The following MEIKIN variants were observed in gnomAD, a reference collection of about 807,000 sequenced individuals.
MEIKIN encodes the protein meiotic kinetochore factor, also known as meiosis-specific kinetochore protein.
At chr5:131,857,045 G>A (rs1750208140) in intron 9 of MEIKIN, among the ~76,000 whole-genome samples, 1 of 151,568 alleles carries the variant, frequency 6.6e-6, no homozygotes, top group Non-Finnish European at 1.5e-5. Context: ...CCATGTTGGT[G>A]TGCTGCAGCC....
intron 8 of MEIKIN, among the ~76,000 whole-genome samples, chr5:131,885,677 C>G (rs567071650): frequency 1.3e-5 from 2 of 152,202 alleles, no homozygotes; most frequent in South Asian, 4.1e-4. Context: ...GCCCAGAGTG[C>G]AAAACTTACA....
chr5:131,882,080 T>TC (rs1453788564), intron 8 of MEIKIN, among the ~76,000 whole-genome samples: 1 of 152,186 alleles, frequency 6.6e-6, no homozygotes, highest in Non-Finnish European at 1.5e-5. Context: ...TCTATTTTTT[T>TC]CTCTTACCTA....
At chr5:131,848,197 T>C (rs193187065) in intron 11 of MEIKIN, among the ~76,000 whole-genome samples, 203 of 151,838 alleles carry the variant, frequency 1.3e-3, no homozygotes, top group Admixed American at 3.2e-3. Flanking sequence ...AGAAACAAAA[T>C]AGAGAATAGA....
chr5:131,846,424 A>G (rs1750024292), intron 11 of MEIKIN, among the ~76,000 whole-genome samples: 2 of 152,244 alleles, frequency 1.3e-5, no homozygotes, highest in Admixed American at 6.5e-5. Context: ...CTTGTTTTCT[A>G]TATGATTTAA....
At chr5:131,929,102 A>G (rs1751639612) in intron 5 of MEIKIN, among the ~76,000 whole-genome samples, 1 of 152,284 alleles carries the variant, frequency 6.6e-6, no homozygotes, top group South Asian at 2.1e-4. Context: ...TTTTTCTTTC[A>G]GCACTTTGAA....
intron 11 of MEIKIN, among the ~76,000 whole-genome samples, chr5:131,823,091 C>CT (rs1265867341): frequency 6.6e-6 from 1 of 151,940 alleles, no homozygotes; most frequent in East Asian, 1.9e-4. Context: ...TACGTTGTTT[C>CT]TTTTTTTCTT....
chr5:131,850,736 G>C (rs1750101350), intron 11 of MEIKIN, among the ~76,000 whole-genome samples: 1 of 151,892 alleles, frequency 6.6e-6, no homozygotes, highest in South Asian at 2.1e-4. Flanking sequence ...AGAAAATACA[G>C]GGCAATAGCC....
At chr5:131,926,280 T>C (rs556750597) in intron 5 of MEIKIN, among the ~76,000 whole-genome samples, 1 of 152,344 alleles carries the variant, frequency 6.6e-6, no homozygotes, top group African/African-American at 2.4e-5. Context: ...TTTTGCTGCA[T>C]CTACTGAAAT....
intron 8 of MEIKIN, among the ~76,000 whole-genome samples, chr5:131,904,802 T>C (rs1443332784): frequency 6.6e-6 from 1 of 152,194 alleles, no homozygotes; most frequent in Non-Finnish European, 1.5e-5. Flanking sequence ...CATGGAATAC[T>C]ATGCAGCCAT....
Position 131,831,549 on chromosome 5 carries a change from G to A in MEIKIN, c.976-12686C>T, listed in dbSNP as rs753447678. Among the ~76,000 whole-genome samples the A allele has an allele frequency of 7.4e-4, 112 of 152,030 alleles. 3 individuals carry two copies. The highest frequency in any genetic ancestry group is 7.2e-3 in the Admixed American group (110 of 15,188). On this transcript the variant is annotated intron_variant, in intron 11 of 12. Coordinates refer to ENST00000442687, the MANE Select transcript of MEIKIN (RefSeq NM_001303622.2). ...ACAGCCGGGGTGACAGAGCAACAAC[G>A]TGTCTCAATCAATCAATCAATCAAT...
intron 8 of MEIKIN, among the ~76,000 whole-genome samples, chr5:131,902,187 C>T (rs1293363105): frequency 6.6e-6 from 1 of 152,162 alleles, no homozygotes; most frequent in Non-Finnish European, 1.5e-5. Context: ...AATCCCAGAA[C>T]TTTGGGAGGC....
intron 9 of MEIKIN, among the ~76,000 whole-genome samples, chr5:131,863,795 G>T (rs973420857): frequency 1.3e-5 from 2 of 151,854 alleles, no homozygotes; most frequent in Admixed American, 6.6e-5. Context: ...TCCCCATGCC[G>T]TTCTTGTGAT....
intron 4 of MEIKIN, among the ~76,000 whole-genome samples, chr5:131,937,802 C>A (rs892188289): frequency 2.0e-5 from 3 of 152,048 alleles, no homozygotes; most frequent in African/African-American, 7.2e-5. Context: ...CTCTGGAAAA[C>A]TAATAAATTT....
At chr5:131,915,643 G>T (rs1751405034) in intron 7 of MEIKIN, among the ~76,000 whole-genome samples, 1 of 152,150 alleles carries the variant, frequency 6.6e-6, no homozygotes, top group African/African-American at 2.4e-5. Flanking sequence ...CCATTCTCAG[G>T]ACTATGGAAT....
chr5:131,817,715 AC>A (rs2149602177), intron 12 of MEIKIN, among the ~76,000 whole-genome samples: 1 of 152,220 alleles, frequency 6.6e-6, no homozygotes, highest in East Asian at 1.9e-4. Context: ...AATGAGTAGC[AC>A]TGAATTGAGT....
intron 11 of MEIKIN, among the ~76,000 whole-genome samples, chr5:131,830,745 GCT>G (rs951173013): frequency 2.0e-5 from 3 of 152,116 alleles, no homozygotes; most frequent in Non-Finnish European, 4.4e-5. Context: ...TAGAAAGAAA[GCT>G]CTCCCCTTCA....
intron 4 of MEIKIN, among the ~76,000 whole-genome samples, chr5:131,938,374 C>T (rs574988562): frequency 5.9e-4 from 90 of 152,038 alleles, no homozygotes; most frequent in African/African-American, 2.1e-3. Flanking sequence ...CACCGTGTTG[C>T]CCAGGCTGGT....
chr5:131,833,101 AT>A (rs1749742441), intron 11 of MEIKIN, among the ~76,000 whole-genome samples: 1 of 152,118 alleles, frequency 6.6e-6, no homozygotes, highest in Non-Finnish European at 1.5e-5. Flanking sequence ...AGGCTGCAAA[AT>A]TTTCAAACTT....
intron 11 of MEIKIN, among the ~76,000 whole-genome samples, chr5:131,830,262 T>A (rs893340923): frequency 3.3e-5 from 5 of 152,142 alleles, no homozygotes; most frequent in African/African-American, 1.2e-4. Flanking sequence ...CCAGGTGTGC[T>A]GACACATGCC....
Sources: allele counts gnomAD v4.1 joint callset (sites outside exome capture counted in the v4.1 genomes callset), GRCh38; gene constraint gnomAD v4.1.1; transcripts MANE v1.5; gene names NCBI Gene and HGNC (gene_info 2026-07-23, HGNC 2026-07-21).